TRIM2: variants seen among roughly 807,000 people sequenced by gnomAD.
TRIM2 encodes the protein tripartite motif containing 2, also known as tripartite motif-containing protein 2.
Under a neutral mutation model 75.2 loss-of-function variants are expected in TRIM2, and 20 were observed. That is an observed-to-expected ratio of 0.27 (90% CI 0.19 to 0.39). TRIM2 has a LOEUF of 0.39. TRIM2 is among the 10% of genes least tolerant of loss of function. TRIM2 has a pLI of 1.00. For synonymous variants in TRIM2, 373 were observed against 388.3 expected (o/e 0.96, Z 0.46); for missense variants, 660 against 990.8 (o/e 0.67, Z 4.48).
At chr4:153,243,993 ATT>A (rs1441834365) in intron 1 of TRIM2, among the ~76,000 whole-genome samples, 1 of 150,878 alleles carries the variant, frequency 6.6e-6, no homozygotes, top group Non-Finnish European at 1.5e-5. Context: ...TAATTTCTAA[ATT>A]TTTTTGTAGA....
intron 1 of TRIM2, among the ~76,000 whole-genome samples, chr4:153,245,640 T>C (rs1029121052): frequency 2.6e-5 from 4 of 152,256 alleles, no homozygotes; most frequent in Non-Finnish European, 4.4e-5. Context: ...AACACAGTTA[T>C]AATCATTCCT....
rs147264781 is a variant in TRIM2, at chr4:153,183,487, G to C, written c.-49+30217G>C. On this transcript the variant is annotated intron_variant, in intron 1 of 11. Transcript: ENST00000437508. Reference sequence around the variant, plus strand: ...GCTCTGAGCACAGGTGTGGGAACCTGAGCGACACCCAAGGAGTGGGGCATG... The same window carrying C: ...GCTCTGAGCACAGGTGTGGGAACCTCAGCGACACCCAAGGAGTGGGGCATG... Among the ~76,000 whole-genome samples, 155 of 152,306 alleles carry C rather than the reference G, an allele frequency of 1.0e-3. 1 individual carries two copies. The highest frequency in any genetic ancestry group is 3.5e-3 in the African/African-American group (144 of 41,566).
chr4:153,268,809 T>C (rs2150028011), intron 1 of TRIM2, among the ~76,000 whole-genome samples: 1 of 152,350 alleles, frequency 6.6e-6, no homozygotes, highest in East Asian at 1.9e-4. Flanking sequence ...CCTGGCATGA[T>C]CCCTAACATT....
At chr4:153,263,427 T>C (rs1049157158) in intron 1 of TRIM2, among the ~76,000 whole-genome samples, 6 of 152,240 alleles carry the variant, frequency 3.9e-5, no homozygotes, top group Non-Finnish European at 7.3e-5. Flanking sequence ...CTCTTTATCA[T>C]GGAATTCAGC....
rs182570603 is a variant in TRIM2 at position 153,302,831 on chromosome 4, A to T, written c.1510+6795A>T. Among the ~76,000 whole-genome samples, 7 of 152,368 alleles carry T rather than the reference A, an allele frequency of 4.6e-5. No individual in the cohort carries two copies. In the South Asian group the frequency reaches 1.2e-3, roughly 27 times the overall value. On this transcript the variant is annotated intron_variant, in intron 6 of 11. Transcript: ENST00000338700. ...ACTTATGCCTGGGTCTTATTACCCA[A>T]GATGGTAAATTCCTTAAGGTCAAGG...
At position 153,295,921 on chromosome 4, in the gene TRIM2, T is replaced by C. The variant is rs1762672522; in HGVS notation, c.1395T>C (p.Val465=). ...SPTTEGVKRR[V]KSPGSGHVKQ... is the part of the protein sequence containing the mutation. The stretch of plus-strand genomic sequence containing the variant: ...CCACAGAAGGCGTGAAGAGGCGCGT[T>C]AAGTCCCCGGGGAGCGGCCACGTCA... The change falls in exon 6 of 12, where the codon GTT becomes GTC. Residue 465 remains valine, a synonymous_variant. Coordinates refer to ENST00000338700, the MANE Select transcript of TRIM2 (RefSeq NM_015271.5). This position sits in a 1 kb window ranked among gnomAD's most constrained non-coding sequence, Gnocchi z 7.2. 1 of 1,608,200 alleles carries C rather than the reference T, an allele frequency of 6.2e-7. No homozygotes were observed. Among genetic ancestry groups the C allele is most frequent in the South Asian group, 1.1e-5 (1 of 90,076 alleles).
rs912527309 is a variant in TRIM2 at position 153,323,065 on chromosome 4, C to T, written c.1951+249C>T. On this transcript the variant is annotated intron_variant, in intron 9 of 11. Coordinates refer to ENST00000338700, the MANE Select transcript of TRIM2 (RefSeq NM_015271.5). ...CGGTGGCAGTTCACAACTCAGAAGTCTAGCTTTGAAATATTCATATTAAAT... is the reference window on the plus strand; with the variant it reads ...CGGTGGCAGTTCACAACTCAGAAGTTTAGCTTTGAAATATTCATATTAAAT... Among the ~76,000 whole-genome samples, 11 of 152,072 alleles carry T rather than the reference C, an allele frequency of 7.2e-5. No homozygotes were observed. The East Asian group carries it at 2.1e-3, about 29-fold the overall frequency.
chr4:153,244,933 G>A (rs1457220343), intron 1 of TRIM2, among the ~76,000 whole-genome samples: 1 of 152,174 alleles, frequency 6.6e-6, no homozygotes, highest in Non-Finnish European at 1.5e-5. Flanking sequence ...GACTTGGCCT[G>A]TTTCTGGCAG....
At chr4:153,172,377 T>C (rs940211392) in intron 1 of TRIM2, among the ~76,000 whole-genome samples, 3 of 152,004 alleles carry the variant, frequency 2.0e-5, no homozygotes, top group African/African-American at 7.2e-5. Context: ...TTAGTAGAGA[T>C]GGGGTTTCAC....
intron 1 of TRIM2, among the ~76,000 whole-genome samples, chr4:153,207,977 T>C (rs552023693): frequency 6.6e-6 from 1 of 152,252 alleles, no homozygotes; most frequent in African/African-American, 2.4e-5. Context: ...CCAGGAATAA[T>C]AGATGGGTCT....
chr4:153,183,721 A>G (rs1414530549), intron 1 of TRIM2, among the ~76,000 whole-genome samples: 1 of 152,188 alleles, frequency 6.6e-6, no homozygotes, highest in Non-Finnish European at 1.5e-5. Flanking sequence ...AAGTTTGGCC[A>G]AAGGAGGAGG....
intron 4 of TRIM2, 69 bp downstream of exon 4, chr4:153,293,202 C>G: frequency 6.8e-7 from 1 of 1,467,900 alleles, no homozygotes; most frequent in South Asian, 1.3e-5. Flanking sequence ...GGCCTCTTGT[C>G]TAGGTACAAG....
intron 1 of TRIM2, among the ~76,000 whole-genome samples, chr4:153,227,304 C>T (rs563417645): frequency 4.6e-5 from 7 of 152,334 alleles, no homozygotes; most frequent in South Asian, 2.1e-4. Flanking sequence ...AATGTCCTCT[C>T]CTCAGCTACC....
At chr4:153,162,987 T>C (rs1729894705) in intron 1 of TRIM2, among the ~76,000 whole-genome samples, 1 of 152,208 alleles carries the variant, frequency 6.6e-6, no homozygotes, top group Admixed American at 6.5e-5. Flanking sequence ...TAAGATTTTT[T>C]GGAAGTGGAA....
chr4:153,166,352 T>A (rs1356159281), intron 1 of TRIM2, among the ~76,000 whole-genome samples: 1 of 152,198 alleles, frequency 6.6e-6, no homozygotes, highest in African/African-American at 2.4e-5. Context: ...TCTATAACAC[T>A]TGATTGGAGT....
intron 3 of TRIM2, among the ~76,000 whole-genome samples, chr4:153,286,409 C>T (rs1760627747): frequency 6.6e-6 from 1 of 151,910 alleles, no homozygotes. Context: ...GGTGTTAGTT[C>T]TTCTTAAAAT....
chr4:153,270,285 G>C, intron 1 of TRIM2, 50 bp from the exon 2 acceptor site: 1 of 1,566,204 alleles, frequency 6.4e-7, no homozygotes, highest in Non-Finnish European at 8.7e-7. Context: ...TGATTGACTT[G>C]TACCTACAGA....
chr4:153,221,778 A>AGC (rs1167540116), intron 1 of TRIM2, among the ~76,000 whole-genome samples: 3 of 91,020 alleles, frequency 3.3e-5, no homozygotes, highest in African/African-American at 4.5e-5. Flanking sequence ...AAGGAAGGAA[A>AGC]GAAGAAAAGG....
At chr4:153,305,486 G>C (rs1764777894) in intron 6 of TRIM2, among the ~76,000 whole-genome samples, 1 of 152,192 alleles carries the variant, frequency 6.6e-6, no homozygotes, top group Non-Finnish European at 1.5e-5. Context: ...TGCTATAACA[G>C]AATACCTGAG....
Sources: gnomAD v4.1 joint callset for allele counts (sites outside exome capture counted in the v4.1 genomes callset) on GRCh38, gnomAD v4.1.1 for gene constraint, Gnocchi (gnomAD v3.1) non-coding constraint, MANE v1.5 for transcripts, NCBI Gene and HGNC (gene_info 2026-07-23, HGNC 2026-07-21) for gene names.